FCER1A: variants seen among roughly 807,000 people sequenced by gnomAD.
FCER1A encodes the protein Fc epsilon receptor Ia.
Under a neutral mutation model 23.6 loss-of-function variants are expected in FCER1A, and 24 were observed. That is an observed-to-expected ratio of 1.02 (90% CI 0.74 to 1.43). The LOEUF is 1.43. Ranked by LOEUF, FCER1A falls within the 40% of genes most tolerant of loss-of-function variation. FCER1A has a pLI of 0.00. For missense variants in FCER1A, 318 were observed against 294.5 expected (o/e 1.08, Z -0.58); for synonymous variants, 121 against 108.8 (o/e 1.11, Z -0.70).
chr1:159,299,958 T>C (rs1652389878), upstream of FCER1A, among the ~76,000 whole-genome samples: 1 of 151,518 alleles, frequency 6.6e-6, no homozygotes, highest in South Asian at 2.1e-4. Flanking sequence ...TCCGATGCTG[T>C]TAATGGTTTG....
chr1:159,301,686 A>G (rs1453466584), upstream of FCER1A, among the ~76,000 whole-genome samples: 1 of 152,214 alleles, frequency 6.6e-6, no homozygotes, highest in African/African-American at 2.4e-5. Context: ...ATTAAACAAG[A>G]AAAGCGTTGG....
upstream of FCER1A, among the ~76,000 whole-genome samples, chr1:159,289,087 C>T (rs909218858): frequency 1.3e-5 from 2 of 152,176 alleles, no homozygotes. Context: ...CCATGGTTAT[C>T]GTCAGTCCTG....
the FCER1A span, among the ~76,000 whole-genome samples, chr1:159,283,642 G>A: frequency 6.6e-6 from 1 of 151,982 alleles, no homozygotes; most frequent in Admixed American, 6.6e-5. Flanking sequence ...CATTTACAAC[G>A]GAAGCAAAAA....
upstream of FCER1A, among the ~76,000 whole-genome samples, chr1:159,286,138 C>T (rs552709539): frequency 1.3e-5 from 2 of 151,426 alleles, no homozygotes; most frequent in Admixed American, 6.6e-5. Context: ...TGCAGTGACC[C>T]GAGATCATGC....
rs1232527062 is a variant in FCER1A, at chr1:159,307,739, C to T, written c.590-9C>T. 1 of 1,577,642 alleles carries T rather than the reference C, an allele frequency of 6.3e-7. No homozygotes were observed. The highest frequency in any genetic ancestry group is 1.1e-5 in the South Asian group (1 of 87,260). ...TTATGTTTCTCATTGCATCTGTGTT[C>T]CACTACAGCTCCGCGTGAGAAGTAC... On this transcript the variant is annotated splice_polypyrimidine_tract_variant and intron_variant, in intron 4 of 4. Transcript: ENST00000693622.
At chr1:159,299,210 A>G (rs1043057542), upstream of FCER1A, among the ~76,000 whole-genome samples, 1 of 152,220 alleles carries the variant, frequency 6.6e-6, no homozygotes, top group African/African-American at 2.4e-5. Flanking sequence ...TGTTAGGTAC[A>G]TAAATATCAC....
intron 1 of FCER1A, among the ~76,000 whole-genome samples, chr1:159,302,642 G>T (rs1028716556): frequency 6.6e-6 from 1 of 152,202 alleles, no homozygotes; most frequent in African/African-American, 2.4e-5. Flanking sequence ...CCTTGCATTT[G>T]CTCTGGCATC....
At chr1:159,294,104 C>T (rs1220598790) in intron 1 of FCER1A, among the ~76,000 whole-genome samples, 1 of 152,186 alleles carries the variant, frequency 6.6e-6, no homozygotes, top group Non-Finnish European at 1.5e-5. Context: ...AATAGGAACA[C>T]TTTTACACTG....
chr1:159,295,866 G>A (rs183346591), intron 1 of FCER1A, among the ~76,000 whole-genome samples: 15 of 152,260 alleles, frequency 9.9e-5, no homozygotes, highest in Admixed American at 4.6e-4. Flanking sequence ...ACTACAAATA[G>A]TGAGAATATT....
intron 1 of FCER1A, among the ~76,000 whole-genome samples, chr1:159,291,860 T>A (rs1268569341): frequency 6.6e-6 from 1 of 152,174 alleles, no homozygotes; most frequent in African/African-American, 2.4e-5. Flanking sequence ...CTGCCATTGC[T>A]AAAGTCCCAA....
In FCER1A at chr1:159,297,130, C is replaced by T. The variant is rs908413683; in HGVS notation, c.-59-5176C>T. Among the ~76,000 whole-genome samples, 11 of 152,312 alleles carry T rather than the reference C, an allele frequency of 7.2e-5. No homozygotes were observed. In the South Asian group the frequency reaches 8.3e-4, roughly 11 times the overall value. On this transcript the variant is annotated intron_variant, in intron 1 of 5. Transcript: ENST00000368115. ...GGAAGCATAAAATAAACCTGGCCTA[C>T]ACTACATTCGGCTTGAGGGCTGACT...
At chr1:159,304,436 T>TA (rs1652537463) in intron 3 of FCER1A, among the ~76,000 whole-genome samples, 1 of 150,764 alleles carries the variant, frequency 6.6e-6, no homozygotes, top group South Asian at 2.1e-4. Context: ...CCATCTCTGC[T>TA]AAAAAATATA....
chr1:159,291,807 T>G (rs1652159987), intron 1 of FCER1A, among the ~76,000 whole-genome samples: 1 of 152,136 alleles, frequency 6.6e-6, no homozygotes, highest in African/African-American at 2.4e-5. Context: ...TCCTATTCAC[T>G]TTTTTAGCCC....
intron 1 of FCER1A, among the ~76,000 whole-genome samples, chr1:159,290,702 G>A (rs1015218641): frequency 3.3e-5 from 5 of 152,206 alleles, no homozygotes; most frequent in Non-Finnish European, 7.3e-5. Context: ...TAGGATTCCT[G>A]TGAGTATTAA....
upstream of FCER1A, among the ~76,000 whole-genome samples, chr1:159,299,673 T>G (rs144027349): frequency 6.6e-6 from 1 of 152,318 alleles, no homozygotes; most frequent in African/African-American, 2.4e-5. Context: ...CCTATTGATT[T>G]CAGTGAACGT....
At chr1:159,290,550 G>A (rs1233635614) in intron 1 of FCER1A, among the ~76,000 whole-genome samples, 1 of 152,174 alleles carries the variant, frequency 6.6e-6, no homozygotes, top group African/African-American at 2.4e-5. Flanking sequence ...GGAGCACCTT[G>A]TTGAATGCCT....
At chr1:159,307,129 A>G (rs1248484679) in intron 4 of FCER1A, among the ~76,000 whole-genome samples, 1 of 152,088 alleles carries the variant, frequency 6.6e-6, no homozygotes, top group Non-Finnish European at 1.5e-5. Flanking sequence ...CAGCCTGGGT[A>G]TACGTATTTT....
intron 4 of FCER1A, among the ~76,000 whole-genome samples, chr1:159,306,834 T>C (rs1466207588): frequency 6.6e-6 from 1 of 152,220 alleles, no homozygotes; most frequent in Non-Finnish European, 1.5e-5. Flanking sequence ...AGGGAGCCTG[T>C]GAAGTATTCA....
intron 1 of FCER1A, among the ~76,000 whole-genome samples, chr1:159,293,517 A>G (rs567678605): frequency 1.4e-5 from 2 of 147,166 alleles, no homozygotes; most frequent in African/African-American, 2.5e-5. Flanking sequence ...AGCATTAGGT[A>G]TATCTCCTAA....
Sources: gnomAD v4.1 joint callset for allele counts (sites outside exome capture counted in the v4.1 genomes callset) on GRCh38, gnomAD v4.1.1 for gene constraint, MANE v1.5 for transcripts, NCBI Gene and HGNC (gene_info 2026-07-23, HGNC 2026-07-21) for gene names.